The following CNTN4 variants were observed in gnomAD, a reference collection of about 807,000 sequenced individuals.
The protein encoded by CNTN4 is contactin-4.
In CNTN4, 77 loss-of-function variants were observed where a neutral mutation model predicts 122.5. That is an observed-to-expected ratio of 0.63 (90% CI 0.52 to 0.76). CNTN4 has a LOEUF of 0.76. Among genes scored for constraint, CNTN4 ranks in the 30% least tolerant of loss-of-function variants. The probability of loss-of-function intolerance (pLI) is 0.00; values close to 1 mark genes in which losing one functional copy is unlikely to be tolerated. For missense variants in CNTN4, 1,256 were observed against 1,259.1 expected (o/e 1.00, Z 0.04); for synonymous variants, 512 against 447.0 (o/e 1.15, Z -1.83).
At chr3:2,967,902 A>G (rs1692494362) in intron 13 of CNTN4, among the ~76,000 whole-genome samples, 1 of 151,764 alleles carries the variant, frequency 6.6e-6, no homozygotes, top group Non-Finnish European at 1.5e-5. Context: ...TACTTAAAAC[A>G]AAAGTTACAA....
chr3:2,207,297 C>G (rs1298837774), intron 2 of CNTN4, among the ~76,000 whole-genome samples: 1 of 152,084 alleles, frequency 6.6e-6, no homozygotes. Flanking sequence ...AGTCATACAT[C>G]TCTCACTTTA....
intron 7 of CNTN4, among the ~76,000 whole-genome samples, chr3:2,861,476 C>T (rs1286015956): frequency 2.6e-5 from 4 of 152,194 alleles, no homozygotes; most frequent in African/African-American, 7.2e-5. Flanking sequence ...TTCACATCTA[C>T]TTTCTTAGAA....
chr3:2,940,627 G>A (rs150069841), intron 13 of CNTN4, among the ~76,000 whole-genome samples: 1 of 152,228 alleles, frequency 6.6e-6, no homozygotes, highest in African/African-American at 2.4e-5. Flanking sequence ...GATTCTCAAG[G>A]AGAGAGCAGA....
At chr3:2,820,039 A>C (rs556813446) in intron 7 of CNTN4, among the ~76,000 whole-genome samples, 1 of 152,256 alleles carries the variant, frequency 6.6e-6, no homozygotes, top group East Asian at 1.9e-4. Flanking sequence ...CTGGACACCA[A>C]CTGGCTGTCC....
intron 2 of CNTN4, among the ~76,000 whole-genome samples, chr3:2,242,436 T>C (rs1031045673): frequency 1.3e-5 from 2 of 152,108 alleles, no homozygotes; most frequent in Non-Finnish European, 2.9e-5. Flanking sequence ...TAAAGCACAA[T>C]GTTTTCTTCC....
chr3:2,539,620 G>A (rs969917989), intron 3 of CNTN4, among the ~76,000 whole-genome samples: 2 of 152,008 alleles, frequency 1.3e-5, no homozygotes, highest in Non-Finnish European at 2.9e-5. Context: ...CCTTTACCAC[G>A]TAGACTTGAT....
chr3:2,369,489 A>T (rs915548187), intron 3 of CNTN4, among the ~76,000 whole-genome samples: 2 of 152,234 alleles, frequency 1.3e-5, no homozygotes, highest in Non-Finnish European at 2.9e-5. Context: ...AGGAAGCCTC[A>T]TCTGTACAAA....
intron 2 of CNTN4, among the ~76,000 whole-genome samples, chr3:2,260,063 G>A (rs945254915): frequency 2.0e-5 from 3 of 152,038 alleles, no homozygotes; most frequent in Non-Finnish European, 4.4e-5. Flanking sequence ...AAGATCCTTG[G>A]CTACAATTAC....
chr3:2,650,076 A>AATATATAT lies in CNTN4; in HGVS notation c.55+78528_55+78535dup, dbSNP rs139412989. Among the ~76,000 whole-genome samples, 552 of 145,562 alleles carry AATATATAT rather than the reference A, an allele frequency of 3.8e-3. 4 individuals are homozygous for AATATATAT. In the East Asian group the frequency reaches 0.04, roughly 10 times the overall value. ...TATGTATAAAATATGTATTTTTATA[A>AATATATAT]ATATATATATATATATAAAAGGGAA... On this transcript the variant is annotated intron_variant, in intron 4 of 24. Coordinates refer to ENST00000418658, the MANE Select transcript of CNTN4 (RefSeq NM_175607.3).
At chr3:2,167,495 G>A (rs1169496654) in intron 2 of CNTN4, among the ~76,000 whole-genome samples, 1 of 152,142 alleles carries the variant, frequency 6.6e-6, no homozygotes, top group African/African-American at 2.4e-5. Flanking sequence ...CACACATTAT[G>A]ATGAATTGGA....
At chr3:2,459,418 TATA>T (rs1426486433) in intron 3 of CNTN4, among the ~76,000 whole-genome samples, 1 of 152,120 alleles carries the variant, frequency 6.6e-6, no homozygotes, top group East Asian at 1.9e-4. Flanking sequence ...AGGGATCACT[TATA>T]ATTGCCCCTG....
intron 2 of CNTN4, among the ~76,000 whole-genome samples, chr3:2,338,164 A>G (rs2044034431): frequency 6.6e-6 from 1 of 152,068 alleles, no homozygotes; most frequent in Non-Finnish European, 1.5e-5. Flanking sequence ...ATTATTTTAC[A>G]TTTCTGAATA....
chr3:2,514,641 C>T (rs1245739021), intron 3 of CNTN4, among the ~76,000 whole-genome samples: 1 of 152,138 alleles, frequency 6.6e-6, no homozygotes, highest in Non-Finnish European at 1.5e-5. Context: ...CTGTAAGATG[C>T]TGTGCAACTC....
chr3:2,294,072 C>T (rs996205750), intron 2 of CNTN4, among the ~76,000 whole-genome samples: 2 of 152,196 alleles, frequency 1.3e-5, no homozygotes, highest in Admixed American at 6.5e-5. Context: ...CTTTCCCTAG[C>T]TTGTTCCCAT....
chr3:2,644,161 G>A (rs2083016168), intron 4 of CNTN4, among the ~76,000 whole-genome samples: 1 of 152,134 alleles, frequency 6.6e-6, no homozygotes, highest in South Asian at 2.1e-4. Flanking sequence ...TAACCAGGTA[G>A]GGAAGGGCAG....
intron 4 of CNTN4, among the ~76,000 whole-genome samples, chr3:2,598,815 A>G (rs1390792205): frequency 2.0e-5 from 3 of 151,724 alleles, no homozygotes; most frequent in African/African-American, 4.9e-5. Context: ...ACATATATAC[A>G]TGAAAGGGGT....
chr3:2,271,432 G>T (rs987624238), intron 2 of CNTN4, among the ~76,000 whole-genome samples: 2 of 152,030 alleles, frequency 1.3e-5, no homozygotes, highest in African/African-American at 4.8e-5. Context: ...GTAGTAACCT[G>T]CTGTATTATC....
chr3:2,642,158 A>T (rs2082922861), intron 4 of CNTN4, among the ~76,000 whole-genome samples: 1 of 152,256 alleles, frequency 6.6e-6, no homozygotes, highest in South Asian at 2.1e-4. Context: ...GGAAGCCGAC[A>T]GTGCAGCCTT....
intron 7 of CNTN4, among the ~76,000 whole-genome samples, chr3:2,829,164 G>A (rs1576967205): frequency 6.6e-6 from 1 of 151,976 alleles, no homozygotes; most frequent in South Asian, 2.1e-4. Flanking sequence ...TCTCTTCCCC[G>A]TTTGCCAATC....
Sources: allele counts gnomAD v4.1 joint callset (sites outside exome capture counted in the v4.1 genomes callset), GRCh38; gene constraint gnomAD v4.1.1; transcripts MANE v1.5; gene names NCBI Gene and HGNC (gene_info 2026-07-23, HGNC 2026-07-21).